The following PLCZ1 variants were observed in gnomAD, a reference collection of about 807,000 sequenced individuals.
PLCZ1 encodes phospholipase C zeta 1.
A neutral mutation model predicts 76.8 loss-of-function variants in PLCZ1; 64 were observed. The observed-to-expected ratio is 0.83, with a 90% CI of 0.68 to 1.03. The LOEUF is 1.03. Among genes scored for constraint, PLCZ1 ranks in the 50% least tolerant of loss-of-function variants. The pLI, the probability that PLCZ1 is intolerant of heterozygous loss-of-function variation, is 0.00. For missense variants in PLCZ1, 751 were observed against 713.7 expected (o/e 1.05, Z -0.60); for synonymous variants, 248 against 230.8 (o/e 1.07, Z -0.68).
downstream of PLCZ1, among the ~76,000 whole-genome samples, chr12:18,681,615 G>A (rs1240159417): frequency 1.3e-5 from 2 of 151,742 alleles, no homozygotes; most frequent in East Asian, 1.9e-4. Flanking sequence ...ATTTTAAAAT[G>A]GAACCAAAAA....
chr12:18,705,429 G>A, intron 6 of PLCZ1, 114 bp from the exon 7 acceptor site: 3 of 1,290,954 alleles, frequency 2.3e-6, no homozygotes, highest in Non-Finnish European at 3.3e-6. Flanking sequence ...TAGTACCTTT[G>A]CAAAATAACT....
chr12:18,719,333 G>A (rs925827009), intron 5 of PLCZ1, 98 bp downstream of exon 5: 65 of 619,310 alleles, frequency 1.0e-4, no homozygotes, highest in Admixed American at 1.6e-4. Context: ...AACATGGAGA[G>A]TCTTCTTTTT....
At chr12:18,715,399 G>GT (rs550287054) in intron 5 of PLCZ1, among the ~76,000 whole-genome samples, 265 of 146,230 alleles carry the variant, frequency 1.8e-3, no homozygotes, top group South Asian at 4.2e-3. Context: ...GGGGTGTTTG[G>GT]TTTTTTTTTT....
Position 18,694,910 on chromosome 12 carries a change from C to G in PLCZ1, c.1461G>C (p.Arg487Ser). Residue 487 changes from arginine to serine, a missense_variant and splice_region_variant, in exon 12 of 15, where the codon AGG (arginine) becomes AGC (serine). By Grantham distance (110) the Arg-to-Ser change is moderately radical. Transcript: ENST00000266505. Reference sequence around the variant, plus strand: ...GTAAAAGAAAATTTATTAATCTTACCCTTATTGTAAGTGTAATTGGCATAC... The same window carrying G: ...GTAAAAGAAAATTTATTAATCTTACGCTTATTGTAAGTGTAATTGGCATAC... ...KEGMPITLTI[R>S]LISGIQLPLT... 1 of 1,581,592 alleles carries G rather than the reference C, an allele frequency of 6.3e-7. No homozygotes were observed. Among genetic ancestry groups the G allele is most frequent in the Non-Finnish European group, 8.7e-7 (1 of 1,153,640 alleles).
rs1343767087 is a variant in PLCZ1, at chr12:18,737,627, A to G, written c.-138-118T>C. 8 of 596,478 alleles carry G rather than the reference A, an allele frequency of 1.3e-5. No individual in the cohort carries two copies. The East Asian group carries it at 1.7e-4, about 13-fold the overall frequency. 36.9% of individuals were successfully genotyped at this position (596,478 alleles called of 1,614,324 possible). On this transcript the variant is annotated intron_variant, in intron 1 of 14. Transcript: ENST00000266505. ...TGGTACCTGCACTACCCTGCCCTTG[A>G]AACTGTTTGGCTTCTTACGTTCTGA...
At position 18,703,023 on chromosome 12, in the gene PLCZ1, A is replaced by G. The variant is rs73346916; in HGVS notation, c.865-1247T>C. Among the ~76,000 whole-genome samples, 526 of 152,184 alleles carry G rather than the reference A, an allele frequency of 3.5e-3. 3 individuals are homozygous for G. Among genetic ancestry groups the G allele is most frequent in the African/African-American group, 0.012 (495 of 41,526 alleles). ...CACCTCCCTGCTTTAATATGGAGCT[A>G]AAATTTGAATGAAAGCTATGTACGG... On this transcript the variant is annotated intron_variant, in intron 7 of 14. Coordinates refer to ENST00000266505, the MANE Select transcript of PLCZ1 (RefSeq NM_033123.4).
intron 3 of PLCZ1, among the ~76,000 whole-genome samples, chr12:18,734,015 A>G (rs934667821): frequency 5.9e-5 from 9 of 152,294 alleles, no homozygotes; most frequent in African/African-American, 1.9e-4. Context: ...CAAAACAAAA[A>G]TGCCATTGGG....
intron 6 of PLCZ1, among the ~76,000 whole-genome samples, chr12:18,705,908 T>A (rs1382989606): frequency 6.7e-6 from 1 of 148,314 alleles, no homozygotes; most frequent in Non-Finnish European, 1.5e-5. Context: ...ACCATATCCA[T>A]ATAAAGGAAT....
At chr12:18,724,814 G>A (rs1045740406) in intron 3 of PLCZ1, among the ~76,000 whole-genome samples, 15 of 152,044 alleles carry the variant, frequency 9.9e-5, no homozygotes, top group Admixed American at 2.6e-4. Flanking sequence ...AAATGTGCCC[G>A]TAATCCCTGA....
At chr12:18,663,514 T>G in the PLCZ1 span, among the ~76,000 whole-genome samples, 1 of 152,118 alleles carries the variant, frequency 6.6e-6, no homozygotes, top group African/African-American at 2.4e-5. Flanking sequence ...AGATTTGAAC[T>G]TCTGTGGATT....
At position 18,693,627 on chromosome 12, in the gene PLCZ1, T is replaced by C. The variant is rs568997922; in HGVS notation, c.1461+1283A>G. 162 of 1,565,810 alleles carry C rather than the reference T, an allele frequency of 1.0e-4. No individual in the cohort carries two copies. The African/African-American group carries it at 1.3e-3, about 13-fold the overall frequency. On this transcript the variant is annotated intron_variant, in intron 12 of 14. Coordinates refer to ENST00000266505, the MANE Select transcript of PLCZ1 (RefSeq NM_033123.4). ...GAACGTGCACCGTCCATTGTGTTTA[T>C]TGATGAAATTGACGCCATTGGGACA...
chr12:18,680,758 G>T (rs1428078812), downstream of PLCZ1, among the ~76,000 whole-genome samples: 3 of 152,062 alleles, frequency 2.0e-5, no homozygotes, highest in African/African-American at 4.8e-5. Context: ...GGGCATCTCA[G>T]TAAGAGGGTA....
chr12:18,731,242 T>G (rs1441512523), intron 3 of PLCZ1: 2 of 151,946 alleles, frequency 1.3e-5, no homozygotes, highest in Non-Finnish European at 2.9e-5. Context: ...CAAGGACATT[T>G]GTATAGCGAA....
chr12:18,671,633 C>G, the PLCZ1 span, among the ~76,000 whole-genome samples: 1,651 of 151,922 alleles, frequency 0.011, 27 homozygotes, highest in African/African-American at 0.038. Flanking sequence ...TGGCTAGTGG[C>G]TACTATATTG....
chr12:18,658,583 T>C, the PLCZ1 span, among the ~76,000 whole-genome samples: 1 of 152,116 alleles, frequency 6.6e-6, no homozygotes, highest in Non-Finnish European at 1.5e-5. Flanking sequence ...TGATAAAAAC[T>C]ATTTTTGAAA....
the PLCZ1 span, among the ~76,000 whole-genome samples, chr12:18,662,595 G>C: frequency 6.6e-6 from 1 of 152,064 alleles, no homozygotes; most frequent in African/African-American, 2.4e-5. Context: ...TTGGTCTGCA[G>C]CTATACATTT....
chr12:18,729,773 C>T (rs182000835), intron 3 of PLCZ1, among the ~76,000 whole-genome samples: 6 of 152,084 alleles, frequency 3.9e-5, no homozygotes, highest in Admixed American at 3.3e-4. Context: ...GCTGCTCAAG[C>T]CATGAATCAA....
intron 12 of PLCZ1, chr12:18,693,361 G>A (rs908943887): frequency 1.1e-5 from 18 of 1,600,242 alleles, no homozygotes; most frequent in East Asian, 2.2e-5. Flanking sequence ...AACCAAATTC[G>A]GGAAATTAAG....
chr12:18,708,859 T>A (rs1956959081), intron 6 of PLCZ1, among the ~76,000 whole-genome samples: 1 of 152,130 alleles, frequency 6.6e-6, no homozygotes, highest in South Asian at 2.1e-4. Context: ...TTAATCAAGT[T>A]TTTTTTCCAC....
Sources: gnomAD v4.1 joint callset for allele counts (sites outside exome capture counted in the v4.1 genomes callset) on GRCh38, gnomAD v4.1.1 for gene constraint, MANE v1.5 for transcripts, NCBI Gene and HGNC (gene_info 2026-07-23, HGNC 2026-07-21) for gene names.